CAMKMT: variants seen among roughly 807,000 people sequenced by gnomAD.
The protein encoded by CAMKMT is CaM KMT.
CAMKMT carries 53 observed loss-of-function variants against 48.0 expected under a neutral mutation model. That is an observed-to-expected ratio of 1.10 (90% CI 0.89 to 1.39). CAMKMT has a LOEUF of 1.39. Ranked by LOEUF, CAMKMT falls within the 40% of genes most tolerant of loss-of-function variation. The pLI is 0.00. For missense variants in CAMKMT, 428 were observed against 402.7 expected, an observed-to-expected ratio of 1.06 and a Z score of -0.54; for synonymous variants, 165 against 152.3, an observed-to-expected ratio of 1.08 and a Z score of -0.61.
chr2:44,723,945 A>C (rs2104326155), intron 7 of CAMKMT: 1 of 152,344 alleles, frequency 6.6e-6, no homozygotes, highest in South Asian at 2.1e-4. Flanking sequence ...AATCTGTTTC[A>C]AGGAATTTAC....
intron 3 of CAMKMT, among the ~76,000 whole-genome samples, chr2:44,540,285 C>T (rs1667026020): frequency 6.6e-6 from 1 of 152,016 alleles, no homozygotes; most frequent in South Asian, 2.1e-4. Flanking sequence ...TCTGTGAGAA[C>T]CCCTTCAAGC....
chr2:44,704,066 T>C (rs920861009), intron 3 of CAMKMT, among the ~76,000 whole-genome samples: 5 of 152,226 alleles, frequency 3.3e-5, no homozygotes, highest in Middle Eastern at 3.2e-3. Flanking sequence ...GTATAATTTA[T>C]TTAGGATATT....
intron 2 of CAMKMT, among the ~76,000 whole-genome samples, chr2:44,376,768 C>A (rs539909697): frequency 6.6e-6 from 1 of 152,102 alleles, no homozygotes; most frequent in Non-Finnish European, 1.5e-5. Flanking sequence ...TTCTGTCAGC[C>A]TTACATGATA....
intron 3 of CAMKMT, among the ~76,000 whole-genome samples, chr2:44,661,491 T>G (rs915173080): frequency 2.0e-5 from 3 of 151,904 alleles, no homozygotes; most frequent in Middle Eastern, 3.2e-3. Flanking sequence ...AATTTCTGTG[T>G]TTTTAGTAGA....
intron 3 of CAMKMT, among the ~76,000 whole-genome samples, chr2:44,443,243 T>A (rs1259963995): frequency 6.6e-6 from 1 of 152,198 alleles, no homozygotes; most frequent in Non-Finnish European, 1.5e-5. Context: ...CTGAAATATT[T>A]TACTCTCAGG....
At chr2:44,750,908 G>C (rs1680127958) in intron 8 of CAMKMT, among the ~76,000 whole-genome samples, 1 of 152,158 alleles carries the variant, frequency 6.6e-6, no homozygotes, top group Admixed American at 6.5e-5. Flanking sequence ...AGCTACTTGG[G>C]AGGCTGAGGC....
chr2:44,515,556 A>G (rs1670792801), intron 3 of CAMKMT, among the ~76,000 whole-genome samples: 1 of 152,244 alleles, frequency 6.6e-6, no homozygotes, highest in African/African-American at 2.4e-5. Flanking sequence ...TTACTCTGTT[A>G]CATGAATCAA....
chr2:44,560,680 C>T (rs1405001341), intron 3 of CAMKMT, among the ~76,000 whole-genome samples: 1 of 152,216 alleles, frequency 6.6e-6, no homozygotes. Flanking sequence ...TATTTAAGCT[C>T]TTTGGACAAT....
At chr2:44,537,318 AAAAC>A (rs915455203) in intron 3 of CAMKMT, among the ~76,000 whole-genome samples, 4 of 152,230 alleles carry the variant, frequency 2.6e-5, no homozygotes, top group South Asian at 2.1e-4. Flanking sequence ...ACTCAACAGT[AAAAC>A]AAACAAACAA....
At chr2:44,504,487 T>G (rs1670162476) in intron 3 of CAMKMT, among the ~76,000 whole-genome samples, 3 of 152,214 alleles carry the variant, frequency 2.0e-5, no homozygotes, top group African/African-American at 7.2e-5. Context: ...TGTAATTTGT[T>G]TATTTAACAA....
chr2:44,492,259 A>T (rs1290448063), intron 3 of CAMKMT, among the ~76,000 whole-genome samples: 2 of 152,184 alleles, frequency 1.3e-5, no homozygotes, highest in African/African-American at 4.8e-5. Flanking sequence ...GGAGAAGCAG[A>T]TCATATTTGA....
chr2:44,566,641 TA>T (rs889896347), intron 3 of CAMKMT, among the ~76,000 whole-genome samples: 43 of 150,700 alleles, frequency 2.9e-4, no homozygotes, highest in Admixed American at 1.7e-3. Flanking sequence ...TGACATCATT[TA>T]AAAAAAAAAT....
chr2:44,651,891 C>T (rs1052969094), intron 3 of CAMKMT, among the ~76,000 whole-genome samples: 1 of 152,136 alleles, frequency 6.6e-6, no homozygotes, highest in Non-Finnish European at 1.5e-5. Context: ...TAATTTTGCT[C>T]ACAGTAGTAT....
chr2:44,389,321 A>T (rs1033213764), intron 2 of CAMKMT, among the ~76,000 whole-genome samples: 1 of 151,806 alleles, frequency 6.6e-6, no homozygotes, highest in Admixed American at 6.6e-5. Flanking sequence ...AAATATAGTC[A>T]CCTTTCGAGG....
intron 3 of CAMKMT, among the ~76,000 whole-genome samples, chr2:44,639,904 G>T (rs559367851): frequency 1.3e-5 from 2 of 152,140 alleles, no homozygotes; most frequent in Non-Finnish European, 2.9e-5. Flanking sequence ...TTATGTTTTG[G>T]ATTGTCAGAA....
intron 3 of CAMKMT, among the ~76,000 whole-genome samples, chr2:44,393,748 G>C (rs987150714): frequency 3.9e-5 from 6 of 152,122 alleles, no homozygotes; most frequent in African/African-American, 1.2e-4. Flanking sequence ...CAGATACCTT[G>C]GGTAACAAGG....
chr2:44,557,506 T>A (rs1668077956), intron 3 of CAMKMT, among the ~76,000 whole-genome samples: 1 of 152,178 alleles, frequency 6.6e-6, no homozygotes, highest in South Asian at 2.1e-4. Context: ...GTGATGTTGC[T>A]CCTCATCTTG....
chr2:44,523,653 T>C (rs72879393), intron 3 of CAMKMT, among the ~76,000 whole-genome samples: 3,348 of 151,980 alleles, frequency 0.022, 100 homozygotes, highest in African/African-American at 0.07. Context: ...TGAGCTAGGA[T>C]GACCTAAAGG....
At chr2:44,593,307 T>C (rs1250491279) in intron 3 of CAMKMT, among the ~76,000 whole-genome samples, 2 of 152,166 alleles carry the variant, frequency 1.3e-5, no homozygotes, top group African/African-American at 4.8e-5. Flanking sequence ...TTCTGATAGG[T>C]CTTTCCCTGG....
Sources: allele counts gnomAD v4.1 joint callset (sites outside exome capture counted in the v4.1 genomes callset), GRCh38; gene constraint gnomAD v4.1.1; transcripts MANE v1.5; gene names NCBI Gene and HGNC (gene_info 2026-07-23, HGNC 2026-07-21).